The following UNC80 variants were observed in gnomAD, a reference collection of about 807,000 sequenced individuals.
The protein encoded by UNC80 is unc-80 subunit of NALCN channel complex, also known as protein unc-80 homolog.
UNC80 carries 164 observed loss-of-function variants against 384.6 expected under a neutral mutation model. The ratio of observed to expected loss-of-function variants is 0.43; its 90% CI spans 0.38 to 0.49. The LOEUF is 0.49. Ranked by LOEUF, UNC80 falls within the 20% of genes least tolerant of loss-of-function variation. UNC80 has a pLI of 0.00. For synonymous variants in UNC80, 1,486 were observed against 1,527.8 expected (o/e 0.97, Z 0.64); for missense variants, 3,330 against 4,143.0 (o/e 0.80, Z 5.39).
At chr2:209,933,720 G>A in intron 38 of UNC80, 102 bp from the exon 39 acceptor site, 2 of 1,011,318 alleles carry the variant, frequency 2.0e-6, no homozygotes, top group Non-Finnish European at 2.9e-6. Flanking sequence ...GAATATGAAG[G>A]CACAGAAGAA....
chr2:209,849,364 ACT>A (rs2082366517), intron 21 of UNC80, 85 bp from the exon 22 acceptor site: 5 of 1,433,862 alleles, frequency 3.5e-6, no homozygotes, highest in South Asian at 2.7e-5. Context: ...TAGAAAACAC[ACT>A]GTTATATCTT....
intron 48 of UNC80, among the ~76,000 whole-genome samples, chr2:209,955,752 CACACACAG>C (rs143669228): frequency 0.027 from 2,988 of 110,654 alleles, 106 homozygotes; most frequent in African/African-American, 0.034. Flanking sequence ...CACACACACA[CACACACAG>C]AGAGAGACTG....
At chr2:209,858,839 T>C (rs554014549) in intron 22 of UNC80, among the ~76,000 whole-genome samples, 1 of 152,206 alleles carries the variant, frequency 6.6e-6, no homozygotes, top group Non-Finnish European at 1.5e-5. Flanking sequence ...CATTTTTGCT[T>C]ATTTATTACA....
chr2:209,945,262 A>G (rs1029644799), intron 46 of UNC80, 73 bp downstream of exon 46: 4 of 1,404,732 alleles, frequency 2.8e-6, no homozygotes, highest in Admixed American at 5.0e-5. Context: ...TATTATACAC[A>G]CATACACGTA....
intron 8 of UNC80, among the ~76,000 whole-genome samples, chr2:209,814,386 G>A (rs2079582308): frequency 6.6e-6 from 1 of 151,954 alleles, no homozygotes; most frequent in South Asian, 2.1e-4. Flanking sequence ...CAGGACTACA[G>A]GCGCCCGCCA....
At chr2:209,985,313 T>A (rs1027802289) in intron 61 of UNC80, among the ~76,000 whole-genome samples, 4 of 152,216 alleles carry the variant, frequency 2.6e-5, no homozygotes, top group Admixed American at 6.5e-5. Flanking sequence ...AGCCCCTTAT[T>A]AAATCAAGAC....
At chr2:209,896,219 C>T (rs2086783101) in intron 27 of UNC80, 94 bp from the exon 28 acceptor site, 1 of 1,129,720 alleles carries the variant, frequency 8.9e-7, no homozygotes, top group Non-Finnish European at 1.3e-6. Flanking sequence ...GGTAGTCTGC[C>T]CTAGGATTCA....
chr2:209,842,804 G>C (rs2081863106), intron 21 of UNC80, among the ~76,000 whole-genome samples: 1 of 152,144 alleles, frequency 6.6e-6, no homozygotes, highest in Admixed American at 6.5e-5. Flanking sequence ...CTGAAAGGTG[G>C]CCAGCCACCC....
At position 209,997,015 on chromosome 2, in the gene UNC80, A is replaced by T. The variant is rs1023376520; in HGVS notation, c.*1420A>T. ...AAACTTTGAGTGCGTTGGCTGTGAA[A>T]TGTATACATATATAAAGAGGATACC... On this transcript the variant is annotated 3_prime_UTR_variant, in exon 65 of 65. Transcript: ENST00000673920. The T allele has an allele frequency of 4.6e-5, 7 of 152,132 alleles. 1 individual carries two copies. The highest frequency in any genetic ancestry group is 1.7e-4 in the African/African-American group (7 of 41,440). The allele number at this position is 152,132 out of a possible 1,614,324, so 9.4% of individuals were successfully genotyped here.
At chr2:209,881,387 C>G (rs940650673) in intron 25 of UNC80, among the ~76,000 whole-genome samples, 10 of 152,086 alleles carry the variant, frequency 6.6e-5, no homozygotes, top group Non-Finnish European at 1.5e-5. Context: ...GCTTCCTTTA[C>G]TCTGAAAATA....
chr2:209,974,544 C>G (rs1046587646), intron 56 of UNC80, among the ~76,000 whole-genome samples: 1 of 152,218 alleles, frequency 6.6e-6, no homozygotes, highest in Non-Finnish European at 1.5e-5. Context: ...GGCCAGGCTA[C>G]TGAACCTGTA....
chr2:209,833,872 A>T, intron 16 of UNC80, 130 bp from the exon 17 acceptor site: 1 of 858,296 alleles, frequency 1.2e-6, no homozygotes, highest in Non-Finnish European at 1.8e-6. Context: ...ATCAATAGTA[A>T]ACTGTCCTGT....
rs918076483 is a variant in UNC80 at position 209,969,569 on chromosome 2, T to C, written c.8007-199T>C. ...TTTTTCTTCAATAGATTTAGTCGAG[T>C]GGGGCAGGCCTGCCTCTGCTACGTT... is the stretch of plus-strand genomic sequence containing the variant. On this transcript the variant is annotated intron_variant, in intron 52 of 64. Coordinates refer to ENST00000673920, the MANE Select transcript of UNC80 (RefSeq NM_001371986.1). 3 of 595,584 alleles carry C rather than the reference T, an allele frequency of 5.0e-6. No individual in the cohort carries two copies. In the African/African-American group the frequency reaches 5.7e-5, roughly 11 times the overall value. The allele number at this position is 595,584 out of a possible 1,614,324, so 36.9% of individuals were successfully genotyped here. A position where few individuals can be genotyped will look rare whatever the true frequency, so the allele number is the denominator to read the frequency against.
In UNC80 at chr2:209,872,139, G is replaced by A. The variant is rs745829861; in HGVS notation, c.3628-619G>A. On this transcript the variant is annotated intron_variant, in intron 22 of 64. Coordinates refer to ENST00000673920, the MANE Select transcript of UNC80 (RefSeq NM_001371986.1). The surrounding 1 kb of genome is among the most constrained non-coding windows in gnomAD (Gnocchi z 4.1). ...CCTGAGTAGCTGGGACTACAAGCAC[G>A]CTCCACCATGCCTGACTAATTTTTT... 9.9e-5 allele frequency among the ~76,000 whole-genome samples: 15 copies of A among 151,922 alleles called. No homozygotes were observed. Among genetic ancestry groups the A allele is most frequent in the Admixed American group, 2.0e-4 (3 of 15,238 alleles).
chr2:209,887,652 G>A (rs761262961), intron 25 of UNC80, among the ~76,000 whole-genome samples: 5 of 152,236 alleles, frequency 3.3e-5, no homozygotes, highest in Admixed American at 6.5e-5. Flanking sequence ...TTTATCACTT[G>A]TTTGCCTTCT....
Position 209,888,116 on chromosome 2 carries a change from C to T in UNC80, c.4132C>T (p.Arg1378Cys). 1.9e-6 allele frequency: 3 copies of T among 1,551,616 alleles called. No homozygotes were observed. The highest frequency in any genetic ancestry group is 1.2e-5 in the South Asian group (1 of 84,052). ...PLVDLESCRL[R>C]LDPELDRHRY... ...TTAGGACTTGGAGAGCTGCAGACTT[C>T]GTTTGGATCCCGAGTTGGACCGGCA... The change falls in exon 26 of 65, where the codon CGT becomes TGT. Residue 1378 changes from arginine to cysteine, a missense_variant. Around this residue, in one of 8 missense-constraint regions of UNC80, gnomAD observed 801 missense variants for 950.8 expected, o/e 0.84. Transcript: ENST00000673920.
At chr2:209,827,997 T>C (rs1026583398) in intron 14 of UNC80, among the ~76,000 whole-genome samples, 19 of 152,206 alleles carry the variant, frequency 1.2e-4, no homozygotes, top group Non-Finnish European at 2.6e-4. Context: ...AGAATTTAAG[T>C]ATTTAAAGTT....
chr2:209,963,801 A>C (rs1046180252), intron 51 of UNC80, among the ~76,000 whole-genome samples: 1 of 152,232 alleles, frequency 6.6e-6, no homozygotes, highest in South Asian at 2.1e-4. Context: ...AAGAGACAAT[A>C]ACTATTTCTT....
chr2:209,819,405 C>T (rs2079981320), intron 12 of UNC80, 144 bp downstream of exon 12: 2 of 701,130 alleles, frequency 2.9e-6, no homozygotes, highest in African/African-American at 1.9e-5. Context: ...AAAAAATTCA[C>T]CAATGTTTCA....
Sources: gnomAD v4.1 joint callset for allele counts (sites outside exome capture counted in the v4.1 genomes callset) on GRCh38, gnomAD v4.1.1 for gene constraint, gnomAD v4.1.1 regional missense constraint, Gnocchi (gnomAD v3.1) non-coding constraint, MANE v1.5 for transcripts, NCBI Gene and HGNC (gene_info 2026-07-23, HGNC 2026-07-21) for gene names.